ENTPD5: variants seen among roughly 807,000 people sequenced by gnomAD.
ENTPD5 encodes the protein nucleoside diphosphate phosphatase ENTPD5.
In ENTPD5, 49 loss-of-function variants were observed where a neutral mutation model predicts 60.2. That is an observed-to-expected ratio of 0.81 (90% CI 0.65 to 1.03). The LOEUF (loss-of-function observed/expected upper bound fraction) is 1.03, where lower values mean the gene tolerates loss of function less well. Ranked by LOEUF, ENTPD5 falls within the 50% of genes least tolerant of loss-of-function variation. ENTPD5 has a pLI of 0.00. For synonymous variants in ENTPD5, 187 were observed against 185.4 expected, an observed-to-expected ratio of 1.01 and a Z score of -0.07; for missense variants, 480 against 507.6, an observed-to-expected ratio of 0.95 and a Z score of 0.52.
chr14:73,974,821 A>G (rs529183306), intron 11 of ENTPD5, 103 bp downstream of exon 11: 90 of 934,528 alleles, frequency 9.6e-5, no homozygotes, highest in Admixed American at 8.3e-4. Context: ...CCAATTCAAC[A>G]TAATCTTTTC....
intron 8 of ENTPD5, 138 bp from the exon 9 acceptor site, chr14:73,976,550 C>T (rs1048147008): frequency 3.6e-5 from 23 of 641,346 alleles, no homozygotes; most frequent in Non-Finnish European, 6.2e-5. Context: ...AGGTGAATGT[C>T]AACTCGGAAG....
chr14:74,008,642 G>A (rs571692440), intron 3 of ENTPD5, among the ~76,000 whole-genome samples: 81 of 151,916 alleles, frequency 5.3e-4, no homozygotes, highest in Admixed American at 1.9e-3. Flanking sequence ...TGATCCACCC[G>A]CCTCGGCCTC....
intron 5 of ENTPD5, among the ~76,000 whole-genome samples, chr14:73,985,999 G>A (rs1386155996): frequency 1.3e-5 from 2 of 150,326 alleles, no homozygotes; most frequent in Non-Finnish European, 2.9e-5. Flanking sequence ...TTGAACCCGC[G>A]AGGCAGAGGT....
downstream of ENTPD5, chr14:73,955,799 T>A: frequency 6.2e-7 from 1 of 1,614,212 alleles, no homozygotes; most frequent in Non-Finnish European, 8.5e-7. Flanking sequence ...CCTTTTGTGT[T>A]TCCAGGTGTG....
chr14:73,966,024 C>T lies in ENTPD5; in HGVS notation c.*904G>A. ...AAAGGGCAAACTGAAATAATAGATC[C>T]TGGAATAGCACAGACACTGACCTCT... On this transcript the variant is annotated 3_prime_UTR_variant, in exon 16 of 16. Transcript: ENST00000334696. 6.6e-6 allele frequency: 1 copy of T among 152,182 alleles called. No homozygotes were observed. 9.4% of individuals were successfully genotyped at this position (152,182 alleles called of 1,614,324 possible). A position where few individuals can be genotyped will look rare whatever the true frequency, so the allele number is the denominator to read the frequency against.
At chr14:73,974,887 C>G (rs1489621368) in intron 11 of ENTPD5, 37 bp downstream of exon 11, 1 of 1,559,546 alleles carries the variant, frequency 6.4e-7, no homozygotes, top group Non-Finnish European at 8.8e-7. Flanking sequence ...CTGTGTCACC[C>G]TCACCATCCC....
At chr14:73,994,209 T>A (rs533337132) in intron 3 of ENTPD5, among the ~76,000 whole-genome samples, 4 of 152,068 alleles carry the variant, frequency 2.6e-5, no homozygotes, top group Non-Finnish European at 4.4e-5. Context: ...CACTGCAACC[T>A]CTGCCTCCTG....
downstream of ENTPD5, chr14:73,961,478 C>G (rs199869505): frequency 3.7e-6 from 6 of 1,614,192 alleles, no homozygotes; most frequent in Non-Finnish European, 5.1e-6. Flanking sequence ...AGAGTCCATC[C>G]GCTTGCAGGA....
At chr14:74,003,018 T>C (rs1025192098) in intron 3 of ENTPD5, among the ~76,000 whole-genome samples, 11 of 152,136 alleles carry the variant, frequency 7.2e-5, no homozygotes, top group Admixed American at 3.3e-4. Flanking sequence ...TTCCTATATA[T>C]CCACTTGATG....
Position 73,999,653 on chromosome 14 carries a change from GC to G in ENTPD5, c.-71+11437del, listed in dbSNP as rs562491333. Among the ~76,000 whole-genome samples, 620 of 151,602 alleles carry G rather than the reference GC, an allele frequency of 4.1e-3. 8 individuals are homozygous for G. The highest frequency in any genetic ancestry group is 0.014 in the African/African-American group (583 of 41,284). ...CTAAATATACAAAAATTAGCCAGGC[GC>G]AGTGGCGCGTGCCTGTAATCCCAGC... On this transcript the variant is annotated intron_variant, in intron 3 of 15. Coordinates refer to ENST00000334696, the MANE Select transcript of ENTPD5 (RefSeq NM_001249.5).
At chr14:73,978,775 T>A (rs1251249881) in intron 6 of ENTPD5, among the ~76,000 whole-genome samples, 2 of 151,700 alleles carry the variant, frequency 1.3e-5, no homozygotes, top group Non-Finnish European at 2.9e-5. Context: ...CCGGGCATGA[T>A]GGCGCATGCC....
rs1374505979 is a variant in ENTPD5 at position 73,964,927 on chromosome 14, A to G, written c.*2001T>C. On this transcript the variant is annotated 3_prime_UTR_variant, in exon 16 of 16. Coordinates refer to ENST00000334696, the MANE Select transcript of ENTPD5 (RefSeq NM_001249.5). ...TTGAACATGGCTTAGCAGAAGCTGAATGACAACCTGTTAGAAATTCTAGGG... is the reference window on the plus strand; with the variant it reads ...TTGAACATGGCTTAGCAGAAGCTGAGTGACAACCTGTTAGAAATTCTAGGG... The G allele has an allele frequency of 6.6e-6, 1 of 152,242 alleles. No individual in the cohort carries two copies. Among genetic ancestry groups the G allele is most frequent in the Non-Finnish European group, 1.5e-5 (1 of 68,028 alleles). 9.4% of individuals were successfully genotyped at this position (152,242 alleles called of 1,614,324 possible).
chr14:73,987,125 T>G, intron 4 of ENTPD5: 1 of 702,618 alleles, frequency 1.4e-6, no homozygotes, highest in Non-Finnish European at 2.6e-6. Flanking sequence ...CCTCCACCTT[T>G]CCCCAGGCTC....
At position 73,987,971 on chromosome 14, in the gene ENTPD5, G is replaced by A. The variant is rs533129858; in HGVS notation, c.132C>T (p.Ser44=). 2.4e-5 allele frequency: 38 copies of A among 1,614,120 alleles called. No individual in the cohort carries two copies. Among genetic ancestry groups the A allele is most frequent in the Admixed American group, 1.7e-4 (10 of 59,990 alleles). The change falls in exon 4 of 16, where the codon AGC becomes AGT. Residue 44 remains serine (S), a synonymous_variant. Coordinates refer to ENST00000334696, the MANE Select transcript of ENTPD5 (RefSeq NM_001249.5). The part of the protein sequence containing the change: ...FLSSMCPINV[S]ASTLYGIMFD... Reference sequence around the variant, plus strand: ...ACATAATTCCATACAAGGTGCTGGCGCTGACATTGATGGGGCACATGGAAG... The same window carrying A: ...ACATAATTCCATACAAGGTGCTGGCACTGACATTGATGGGGCACATGGAAG...
downstream of ENTPD5, chr14:73,958,878 C>T (rs776847547): frequency 1.3e-6 from 2 of 1,565,570 alleles, no homozygotes; most frequent in Non-Finnish European, 1.7e-6. Flanking sequence ...ACACAACAAT[C>T]AGAGCTGGAG....
At chr14:73,970,219 C>T (rs747287930) in intron 14 of ENTPD5, 94 bp from the exon 15 acceptor site, 41 of 804,482 alleles carry the variant, frequency 5.1e-5, no homozygotes, top group Non-Finnish European at 8.3e-5. Flanking sequence ...GGGCCAGGCG[C>T]GGTGGCTCAC....
intron 3 of ENTPD5, among the ~76,000 whole-genome samples, chr14:74,002,010 A>T (rs1015675639): frequency 1.1e-4 from 17 of 152,264 alleles, no homozygotes; most frequent in Admixed American, 3.9e-4. Context: ...CTGAGATTTT[A>T]AAAAAATAGT....
At chr14:73,979,943 ATT>A (rs554438546) in intron 6 of ENTPD5, among the ~76,000 whole-genome samples, 2,794 of 127,458 alleles carry the variant, frequency 0.022, 70 homozygotes, top group African/African-American at 0.078. Flanking sequence ...TTTTGCCATG[ATT>A]TTTTTTTTTT....
chr14:74,000,062 T>C (rs1393233545), intron 3 of ENTPD5, among the ~76,000 whole-genome samples: 1 of 135,866 alleles, frequency 7.4e-6, no homozygotes, highest in Non-Finnish European at 1.5e-5. Context: ...CACTCCAGCC[T>C]GGGCGACAGA....
Sources: gnomAD v4.1 joint callset for allele counts (sites outside exome capture counted in the v4.1 genomes callset) on GRCh38, gnomAD v4.1.1 for gene constraint, MANE v1.5 for transcripts, NCBI Gene and HGNC (gene_info 2026-07-23, HGNC 2026-07-21) for gene names.